PCSK5: variants seen among roughly 807,000 people sequenced by gnomAD.
The protein encoded by PCSK5 is proprotein convertase subtilisin/kexin type 5.
Under a neutral mutation model 233.2 loss-of-function variants are expected in PCSK5, and 129 were observed. That is an observed-to-expected ratio of 0.55 (90% CI 0.48 to 0.64). The LOEUF is 0.64. Among genes scored for constraint, PCSK5 ranks in the 30% least tolerant of loss-of-function variants. PCSK5 has a pLI of 0.00. For missense variants in PCSK5, 2,076 were observed against 2,430.1 expected (o/e 0.85, Z 3.06); for synonymous variants, 825 against 879.2 (o/e 0.94, Z 1.09).
chr9:75,914,024 C>A (rs1822871643), intron 1 of PCSK5, among the ~76,000 whole-genome samples: 1 of 152,028 alleles, frequency 6.6e-6, no homozygotes, highest in Non-Finnish European at 1.5e-5. Flanking sequence ...CCAGTTTGTT[C>A]TTAAATGATT....
chr9:75,998,849 G>A (rs1010062980), intron 3 of PCSK5, among the ~76,000 whole-genome samples: 2 of 151,930 alleles, frequency 1.3e-5, no homozygotes, highest in Admixed American at 6.6e-5. Flanking sequence ...ATTCATCACC[G>A]AATAGCCTAG....
chr9:76,178,845 A>G (rs1008126430), intron 14 of PCSK5, among the ~76,000 whole-genome samples: 1 of 152,256 alleles, frequency 6.6e-6, no homozygotes, highest in African/African-American at 2.4e-5. Flanking sequence ...GTTTTTCATC[A>G]ATCACAAAAT....
chr9:76,012,269 T>C lies in PCSK5; in HGVS notation c.412-11469T>C, dbSNP rs1301189625. On this transcript the variant is annotated intron_variant, in intron 3 of 37. Coordinates refer to ENST00000674117, the MANE Select transcript of PCSK5 (RefSeq NM_001372043.1). ...TCCTTCAGAAGGACTTTCAGATAACTCAACTATGACAAACACACATTAATA... is the reference window on the plus strand; with the variant it reads ...TCCTTCAGAAGGACTTTCAGATAACCCAACTATGACAAACACACATTAATA... Among the ~76,000 whole-genome samples the C allele has an allele frequency of 2.0e-5, 3 of 152,308 alleles. No individual in the cohort carries two copies. The East Asian group carries it at 5.8e-4, about 29-fold the overall frequency.
chr9:76,244,565 T>G (rs982824160), intron 24 of PCSK5, among the ~76,000 whole-genome samples: 3 of 50,326 alleles, frequency 6.0e-5, no homozygotes, highest in Admixed American at 4.6e-4. Context: ...ATCCTGGGGT[T>G]TTTTTTTTTT....
At chr9:76,003,455 G>C (rs1321774760) in intron 3 of PCSK5, among the ~76,000 whole-genome samples, 1 of 152,122 alleles carries the variant, frequency 6.6e-6, no homozygotes, top group Admixed American at 6.5e-5. Context: ...ATACAAACAA[G>C]TTGAAAGAGT....
chr9:76,174,482 T>G (rs566223573), intron 13 of PCSK5, among the ~76,000 whole-genome samples: 5 of 151,928 alleles, frequency 3.3e-5, no homozygotes, highest in Non-Finnish European at 7.4e-5. Flanking sequence ...AATTTTTTTT[T>G]TGTATTTTTA....
intron 1 of PCSK5, among the ~76,000 whole-genome samples, chr9:75,902,203 G>T (rs547284049): frequency 2.1e-5 from 2 of 94,322 alleles, no homozygotes; most frequent in South Asian, 3.6e-4. Flanking sequence ...GTGACAGAGT[G>T]AGACACCATC....
At chr9:76,233,036 C>T (rs1362162066) in intron 21 of PCSK5, among the ~76,000 whole-genome samples, 1 of 152,196 alleles carries the variant, frequency 6.6e-6, no homozygotes, top group Non-Finnish European at 1.5e-5. Flanking sequence ...GCTGACATTT[C>T]CCTTGCAAAG....
At chr9:76,033,485 T>C (rs540258535) in intron 5 of PCSK5, among the ~76,000 whole-genome samples, 230 of 152,286 alleles carry the variant, frequency 1.5e-3, no homozygotes, top group Non-Finnish European at 2.7e-3. Context: ...ACATAGTAGA[T>C]ACTTGATCAA....
At chr9:76,170,784 C>T (rs1021860860) in intron 13 of PCSK5, among the ~76,000 whole-genome samples, 1 of 152,202 alleles carries the variant, frequency 6.6e-6, no homozygotes, top group Non-Finnish European at 1.5e-5. Context: ...TCAGATACAG[C>T]TAGCTGCACA....
chr9:75,948,562 G>A (rs907207739), intron 2 of PCSK5, among the ~76,000 whole-genome samples: 11 of 151,984 alleles, frequency 7.2e-5, no homozygotes, highest in South Asian at 2.1e-4. Context: ...GTCTATCATC[G>A]ATGGACATTT....
intron 30 of PCSK5, among the ~76,000 whole-genome samples, chr9:76,316,224 C>T (rs1829027365): frequency 6.6e-6 from 1 of 152,020 alleles, no homozygotes; most frequent in Non-Finnish European, 1.5e-5. Flanking sequence ...CTTAAGTTTA[C>T]AAGATGTGGC....
intron 11 of PCSK5, 120 bp from the exon 12 acceptor site, chr9:76,158,863 G>A (rs566848666): frequency 1.2e-6 from 1 of 816,288 alleles, no homozygotes; most frequent in African/African-American, 1.7e-5. Context: ...TAGCACTGTT[G>A]TTTAGTATCC....
intron 2 of PCSK5, among the ~76,000 whole-genome samples, chr9:75,941,115 C>G (rs1824282702): frequency 6.6e-6 from 1 of 152,204 alleles, no homozygotes; most frequent in Non-Finnish European, 1.5e-5. Flanking sequence ...TTGCCTCTCT[C>G]CCAGCCTGCC....
intron 3 of PCSK5, among the ~76,000 whole-genome samples, chr9:76,022,859 T>C (rs979643538): frequency 2.0e-5 from 3 of 152,210 alleles, no homozygotes; most frequent in African/African-American, 7.2e-5. Context: ...AAAATAGTGC[T>C]TGATGAATTT....
At chr9:76,077,303 A>T (rs1388512761) in intron 7 of PCSK5, among the ~76,000 whole-genome samples, 4 of 152,172 alleles carry the variant, frequency 2.6e-5, no homozygotes, top group African/African-American at 9.7e-5. Context: ...GCCTCAAAAA[A>T]ATTGTTTTAT....
chr9:76,102,139 G>A (rs1246031514), intron 8 of PCSK5, among the ~76,000 whole-genome samples: 2 of 152,196 alleles, frequency 1.3e-5, no homozygotes, highest in African/African-American at 2.4e-5. Context: ...GAGGCTAGTT[G>A]TTGTTACCTT....
At chr9:76,222,206 C>T (rs906640640) in intron 20 of PCSK5, among the ~76,000 whole-genome samples, 1 of 152,076 alleles carries the variant, frequency 6.6e-6, no homozygotes, top group Non-Finnish European at 1.5e-5. Flanking sequence ...ACTGGCTTCC[C>T]AAGATGGTGG....
In PCSK5 at chr9:76,239,113, C is replaced by T. The variant is rs759515470; in HGVS notation, c.3021C>T (p.Gly1007=). ...ATGTCTGCACAAGATGCATGAAGGG[C>T]TACTTCATAGCGCCCACCAACCACA... ...SVHVCTRCMK[G]YFIAPTNHTC... Residue 1007 remains glycine, a synonymous_variant, in exon 23 of 38, where the codon GGC becomes GGT. Coordinates refer to ENST00000674117, the MANE Select transcript of PCSK5 (RefSeq NM_001372043.1). 31 of 1,603,398 alleles carry T rather than the reference C, an allele frequency of 1.9e-5. No homozygotes were observed. The South Asian group carries it at 3.5e-4, about 18-fold the overall frequency.
Sources: gnomAD v4.1 joint callset for allele counts (sites outside exome capture counted in the v4.1 genomes callset) on GRCh38, gnomAD v4.1.1 for gene constraint, MANE v1.5 for transcripts, NCBI Gene and HGNC (gene_info 2026-07-23, HGNC 2026-07-21) for gene names.